Variants in VPS13B observed in about 807,000 individuals in gnomAD.
VPS13B encodes vacuolar protein sorting 13 homolog B.
In VPS13B, 285 loss-of-function variants were observed where a neutral mutation model predicts 426.4. The observed-to-expected ratio is 0.67, with a 90% CI of 0.61 to 0.74. VPS13B has a LOEUF of 0.74. Ranked by LOEUF, VPS13B falls within the 30% of genes least tolerant of loss-of-function variation. The pLI, the probability that VPS13B is intolerant of heterozygous loss-of-function variation, is 0.00. For missense variants in VPS13B, 4,537 were observed against 4,782.6 expected (o/e 0.95, Z 1.51); for synonymous variants, 1,676 against 1,676.4 (o/e 1.00, Z 0.01).
chr8:99,471,241 G>C (rs57856908), intron 24 of VPS13B, among the ~76,000 whole-genome samples: 25 of 152,122 alleles, frequency 1.6e-4, no homozygotes, highest in African/African-American at 5.3e-4. Context: ...AAATGGCTGG[G>C]TAAATATATT....
At chr8:99,445,573 A>G (rs1416198867) in intron 23 of VPS13B, among the ~76,000 whole-genome samples, 2 of 150,960 alleles carry the variant, frequency 1.3e-5, no homozygotes, top group South Asian at 4.2e-4. Flanking sequence ...AACATAATCT[A>G]AAAAGTTTTC....
intron 19 of VPS13B, among the ~76,000 whole-genome samples, chr8:99,280,886 C>A (rs1819137633): frequency 6.6e-6 from 1 of 151,994 alleles, no homozygotes; most frequent in African/African-American, 2.4e-5. Context: ...ATTTGGTATT[C>A]ATCCTCTTTA....
chr8:99,665,032 T>A (rs1387180103), intron 35 of VPS13B, among the ~76,000 whole-genome samples: 3 of 152,248 alleles, frequency 2.0e-5, no homozygotes, highest in Non-Finnish European at 4.4e-5. Context: ...GGATGGTATC[T>A]CATTGCGGTT....
chr8:99,573,391 A>T (rs1278472872), intron 31 of VPS13B, among the ~76,000 whole-genome samples: 6 of 151,994 alleles, frequency 3.9e-5, no homozygotes, highest in Non-Finnish European at 7.4e-5. Flanking sequence ...ATGTCCTGAA[A>T]GGTATTGCCT....
chr8:99,405,605 C>T (rs973742545), intron 21 of VPS13B, among the ~76,000 whole-genome samples: 7 of 152,052 alleles, frequency 4.6e-5, no homozygotes, highest in African/African-American at 1.7e-4. Flanking sequence ...CATGTCTCTC[C>T]CTGCTTAATC....
chr8:99,705,445 T>A (rs1832461518), intron 36 of VPS13B, among the ~76,000 whole-genome samples: 1 of 152,148 alleles, frequency 6.6e-6, no homozygotes, highest in Admixed American at 6.6e-5. Flanking sequence ...TATATTCTCC[T>A]TGCTGTAACT....
At chr8:99,321,705 G>A (rs552767127) in intron 19 of VPS13B, among the ~76,000 whole-genome samples, 1 of 152,204 alleles carries the variant, frequency 6.6e-6, no homozygotes, top group South Asian at 2.1e-4. Flanking sequence ...ATTTGTATTT[G>A]AATAACATTT....
At chr8:99,204,687 G>T (rs1814577543) in intron 17 of VPS13B, among the ~76,000 whole-genome samples, 1 of 152,078 alleles carries the variant, frequency 6.6e-6, no homozygotes, top group South Asian at 2.1e-4. Flanking sequence ...ATGAAAAAGT[G>T]TGCAAAAGAT....
chr8:99,458,162 G>T (rs1326305758), intron 23 of VPS13B, among the ~76,000 whole-genome samples: 2 of 147,440 alleles, frequency 1.4e-5, no homozygotes, highest in African/African-American at 5.0e-5. Flanking sequence ...GTGAGAACAT[G>T]CGGTGTTTGG....
chr8:99,652,357 G>A lies in VPS13B; in HGVS notation c.5909-8997G>A, dbSNP rs1829852714. Among the ~76,000 whole-genome samples the A allele has an allele frequency of 2.0e-5, 3 of 152,118 alleles. No homozygotes were observed. The South Asian group carries it at 6.2e-4, about 31-fold the overall frequency. ...AGTGTTGCTATTAGGATTAAACAATGTATGCGAAGTTCTTAGCTAAGTGTA... is the reference window on the plus strand; with the variant it reads ...AGTGTTGCTATTAGGATTAAACAATATATGCGAAGTTCTTAGCTAAGTGTA... On this transcript the variant is annotated intron_variant, in intron 34 of 61. Coordinates refer to ENST00000357162, the MANE Select transcript of VPS13B (RefSeq NM_152564.5).
chr8:99,479,881 T>A (rs1433865752), intron 24 of VPS13B, among the ~76,000 whole-genome samples: 1 of 152,236 alleles, frequency 6.6e-6, no homozygotes, highest in Admixed American at 6.5e-5. Context: ...CATCTTTGTA[T>A]GGACATAGGC....
chr8:99,387,184 T>C (rs1387556388), intron 20 of VPS13B, among the ~76,000 whole-genome samples: 3 of 152,262 alleles, frequency 2.0e-5, no homozygotes, highest in South Asian at 4.1e-4. Flanking sequence ...ACCAAATTGC[T>C]TCCAAAATGG....
intron 33 of VPS13B, among the ~76,000 whole-genome samples, chr8:99,594,366 G>A (rs181689095): frequency 6.6e-6 from 1 of 151,656 alleles, no homozygotes; most frequent in Admixed American, 6.6e-5. Flanking sequence ...TTCCCCAATG[G>A]GGTTGTTGTA....
intron 19 of VPS13B, among the ~76,000 whole-genome samples, chr8:99,332,138 AT>A (rs1424662965): frequency 2.0e-5 from 3 of 151,196 alleles, no homozygotes; most frequent in African/African-American, 7.2e-5. Context: ...TCAGACAGAA[AT>A]TTGGCCAGTC....
Position 99,156,532 on chromosome 8 carries a change from A to G in VPS13B, c.2014-17A>G. ...GCTCCACTTTTAAAATATAAAGCGAACACTATTATTTTCTAGAACTCAAGT... is the reference window on the plus strand; with the variant it reads ...GCTCCACTTTTAAAATATAAAGCGAGCACTATTATTTTCTAGAACTCAAGT... On this transcript the variant is annotated splice_polypyrimidine_tract_variant and intron_variant, in intron 14 of 61. Coordinates refer to ENST00000357162, the MANE Select transcript of VPS13B (RefSeq NM_152564.5). The G allele has an allele frequency of 6.2e-7, 1 of 1,613,252 alleles. No individual in the cohort carries two copies. The highest frequency in any genetic ancestry group is 8.5e-7 in the Non-Finnish European group (1 of 1,179,446).
At chr8:99,339,608 G>GTT (rs113242640) in intron 19 of VPS13B, among the ~76,000 whole-genome samples, 3,325 of 144,024 alleles carry the variant, frequency 0.023, 129 homozygotes, top group African/African-American at 0.08. Context: ...AACCACGTCA[G>GTT]TTTTTTTTTT....
At chr8:99,137,930 A>G (rs1362093643) in intron 12 of VPS13B, among the ~76,000 whole-genome samples, 2 of 151,938 alleles carry the variant, frequency 1.3e-5, no homozygotes, top group African/African-American at 4.8e-5. Flanking sequence ...ACCACTTACT[A>G]CCTCTGCTTC....
chr8:99,401,298 AT>A (rs1382373890), intron 21 of VPS13B, among the ~76,000 whole-genome samples: 1 of 152,114 alleles, frequency 6.6e-6, no homozygotes, highest in East Asian at 1.9e-4. Context: ...TTTAATCCAT[AT>A]TTTTGAGTGT....
chr8:99,640,022 T>TAAGAAGAAGAAG (rs1278292892), intron 33 of VPS13B, among the ~76,000 whole-genome samples: 1 of 89,408 alleles, frequency 1.1e-5, no homozygotes, highest in African/African-American at 4.1e-5. Context: ...ATAATAATAA[T>TAAGAAGAAGAAG]AATAAGAAGA....
Sources: gnomAD v4.1 joint callset for allele counts (sites outside exome capture counted in the v4.1 genomes callset) on GRCh38, gnomAD v4.1.1 for gene constraint, MANE v1.5 for transcripts, NCBI Gene and HGNC (gene_info 2026-07-23, HGNC 2026-07-21) for gene names.